CSMD1: variants seen among roughly 807,000 people sequenced by gnomAD.
CSMD1 encodes CUB and sushi domain-containing protein 1.
Under a neutral mutation model 417.5 loss-of-function variants are expected in CSMD1, and 213 were observed. The ratio of observed to expected loss-of-function variants is 0.51; its 90% CI spans 0.46 to 0.57. The LOEUF (loss-of-function observed/expected upper bound fraction) is 0.57. Ranked by LOEUF, CSMD1 falls within the 20% of genes least tolerant of loss-of-function variation. The probability of loss-of-function intolerance (pLI) is 0.00; values close to 1 mark genes in which losing one functional copy is unlikely to be tolerated. For missense variants in CSMD1, 6,923 were observed against 4,529.7 expected (o/e 1.53, Z -15.17); for synonymous variants, 2,862 against 1,736.8 (o/e 1.65, Z -16.11).
intron 5 of CSMD1, among the ~76,000 whole-genome samples, chr8:3,786,618 T>G (rs1038775391): frequency 2.0e-5 from 3 of 152,188 alleles, no homozygotes; most frequent in African/African-American, 7.2e-5. Flanking sequence ...GCAAAGCAGT[T>G]GCTTAAATCT....
chr8:3,722,737 G>T (rs113806484), intron 6 of CSMD1, among the ~76,000 whole-genome samples: 2 of 152,266 alleles, frequency 1.3e-5, no homozygotes, highest in African/African-American at 4.8e-5. Context: ...CTTGTCGTTA[G>T]GTTTTCTAAT....
chr8:2,949,366 T>C lies in CSMD1; in HGVS notation c.10335A>G (p.Arg3445=). The change falls in exon 68 of 70, where the codon AGA becomes AGG. Residue 3445 remains arginine, a synonymous_variant. Transcript: ENST00000635120. ...TGTCACCTTGAAAAGTAAATCCTCC[T>C]CTTTCAAGTCCAGATGACACCTGAC... ...LDGYVSSGLE[R]GGFTFQGDIH... 6.2e-7 allele frequency: 1 copy of C among 1,601,818 alleles called. No individual in the cohort carries two copies. The highest frequency in any genetic ancestry group is 8.5e-7 in the Non-Finnish European group (1 of 1,173,332).
intron 2 of CSMD1, among the ~76,000 whole-genome samples, chr8:4,633,571 G>C (rs899241855): frequency 6.9e-6 from 1 of 144,970 alleles, no homozygotes; most frequent in Non-Finnish European, 1.5e-5. Context: ...CTTTTGTTTT[G>C]TTTGAGATGA....
chr8:4,146,528 G>C (rs756008449), intron 3 of CSMD1, among the ~76,000 whole-genome samples: 5 of 142,590 alleles, frequency 3.5e-5, no homozygotes, highest in African/African-American at 7.8e-5. Flanking sequence ...GTGTTCTCTG[G>C]TTAAAACACC....
At chr8:3,448,009 C>G in intron 12 of CSMD1, among the ~76,000 whole-genome samples, 1 of 152,068 alleles carries the variant, frequency 6.6e-6, no homozygotes, top group Middle Eastern at 3.4e-3. Context: ...CCTGATACCA[C>G]TGGGACCTCC....
chr8:4,946,693 C>T lies in CSMD1; in HGVS notation c.85+47639G>A, dbSNP rs561260492. Among the ~76,000 whole-genome samples the T allele has an allele frequency of 5.3e-4, 80 of 152,288 alleles. 1 individual carries two copies. The South Asian group carries it at 0.011, about 22-fold the overall frequency. On this transcript the variant is annotated intron_variant, in intron 1 of 69. Coordinates refer to ENST00000635120, the MANE Select transcript of CSMD1 (RefSeq NM_033225.6). ...AATGTGGTAACAATTGTATTATTCA[C>T]TCACTCTCCCCAAAGGTTGAATATG...
At chr8:4,666,913 TA>T (rs1002260191) in intron 1 of CSMD1, among the ~76,000 whole-genome samples, 27 of 151,460 alleles carry the variant, frequency 1.8e-4, no homozygotes, top group Non-Finnish European at 1.6e-4. Flanking sequence ...GTTACCTAAT[TA>T]AAAAAAAAGT....
chr8:3,566,124 G>C (rs1259715196), intron 10 of CSMD1, among the ~76,000 whole-genome samples: 1 of 152,088 alleles, frequency 6.6e-6, no homozygotes, highest in East Asian at 1.9e-4. Context: ...GAAGGAGAGG[G>C]AAAAGATGGA....
intron 14 of CSMD1, among the ~76,000 whole-genome samples, chr8:3,407,529 AGATG>A (rs1237739524): frequency 6.6e-6 from 1 of 151,972 alleles, no homozygotes; most frequent in East Asian, 2.0e-4. Flanking sequence ...ACAGATGGAC[AGATG>A]GATGGATGAA....
intron 5 of CSMD1, among the ~76,000 whole-genome samples, chr8:3,875,604 G>T (rs1405583184): frequency 6.6e-6 from 1 of 152,156 alleles, no homozygotes; most frequent in South Asian, 2.1e-4. Flanking sequence ...TGTGAGAGGA[G>T]GAAGAGGAGG....
intron 3 of CSMD1, among the ~76,000 whole-genome samples, chr8:4,200,651 T>A (rs1249183828): frequency 6.6e-6 from 1 of 151,596 alleles, no homozygotes; most frequent in South Asian, 2.1e-4. Flanking sequence ...AGACTAAGAG[T>A]TCAAGACCAC....
chr8:3,271,058 C>G (rs1266426639), intron 26 of CSMD1, among the ~76,000 whole-genome samples: 1 of 150,714 alleles, frequency 6.6e-6, no homozygotes, highest in Non-Finnish European at 1.5e-5. Context: ...AGGTATATCT[C>G]CCAATGCTGT....
At chr8:3,095,394 A>G (rs2129010218) in intron 47 of CSMD1, among the ~76,000 whole-genome samples, 1 of 152,224 alleles carries the variant, frequency 6.6e-6, no homozygotes, top group South Asian at 2.1e-4. Flanking sequence ...ACTTCTCTCT[A>G]CTCTACAGAC....
At chr8:3,304,364 C>CTGAG (rs1234906950) in intron 25 of CSMD1, among the ~76,000 whole-genome samples, 1 of 152,038 alleles carries the variant, frequency 6.6e-6, no homozygotes, top group Non-Finnish European at 1.5e-5. Flanking sequence ...ACCATTTTTT[C>CTGAG]TGAGTATTAG....
At chr8:3,459,352 G>T (rs370099369) in intron 12 of CSMD1, among the ~76,000 whole-genome samples, 1 of 152,148 alleles carries the variant, frequency 6.6e-6, no homozygotes, top group Non-Finnish European at 1.5e-5. Context: ...CAACACAGCG[G>T]CCGTAATATG....
intron 3 of CSMD1, among the ~76,000 whole-genome samples, chr8:4,209,662 C>A (rs573005593): frequency 1.3e-5 from 2 of 152,118 alleles, no homozygotes; most frequent in African/African-American, 4.8e-5. Flanking sequence ...GTTGGCTTCA[C>A]CCAGGAAGGA....
At chr8:3,178,866 G>A (rs745427224) in intron 37 of CSMD1, among the ~76,000 whole-genome samples, 3 of 151,760 alleles carry the variant, frequency 2.0e-5, no homozygotes, top group South Asian at 2.1e-4. Flanking sequence ...ATCTTTTGGC[G>A]ATTTACATCA....
intron 1 of CSMD1, among the ~76,000 whole-genome samples, chr8:4,832,621 A>C (rs915692241): frequency 6.6e-6 from 1 of 152,214 alleles, no homozygotes; most frequent in African/African-American, 2.4e-5. Flanking sequence ...GGATTATAGT[A>C]AGTGTCAAAT....
chr8:4,608,355 G>A (rs971430783), intron 2 of CSMD1, among the ~76,000 whole-genome samples: 3 of 152,152 alleles, frequency 2.0e-5, no homozygotes, highest in African/African-American at 7.2e-5. Flanking sequence ...CCACGGTGGT[G>A]GCTGACCGGA....
Sources: allele counts gnomAD v4.1 joint callset (sites outside exome capture counted in the v4.1 genomes callset), GRCh38; gene constraint gnomAD v4.1.1; transcripts MANE v1.5; gene names NCBI Gene and HGNC (gene_info 2026-07-23, HGNC 2026-07-21).